ZNF624: variants seen among roughly 807,000 people sequenced by gnomAD.
The protein encoded by ZNF624 is zinc finger protein 624.
A neutral mutation model predicts 74.7 loss-of-function variants in ZNF624; 43 were observed. The observed-to-expected ratio is 0.58, with a 90% CI of 0.45 to 0.74. ZNF624 has a LOEUF of 0.74. ZNF624 is among the 30% of genes least tolerant of loss of function. The pLI is 0.00. For missense variants in ZNF624, 820 were observed against 1,030.0 expected (o/e 0.80, Z 2.79); for synonymous variants, 331 against 341.3 (o/e 0.97, Z 0.33).
In ZNF624 at chr17:16,622,959, A is replaced by C. The variant is rs1248348319; in HGVS notation, c.1927T>G (p.Tyr643Asp). Residue 643 changes from tyrosine (Y) to aspartate (D), a missense_variant, in exon 6 of 6, where the codon TAT (tyrosine) becomes GAT (aspartate). Transcript: ENST00000311331. ...GTCCTAAAGGACTTTCCACAGTCAT[A>C]ACATTTATAGGGTTTCACTCCAGTA... ...IHTGVKPYKC[Y>D]DCGKSFRTKS... The C allele has an allele frequency of 6.2e-7, 1 of 1,613,970 alleles. No homozygotes were observed.
At chr17:16,625,929 A>G (rs1170586533) in intron 5 of ZNF624, among the ~76,000 whole-genome samples, 1 of 151,886 alleles carries the variant, frequency 6.6e-6, no homozygotes, top group Non-Finnish European at 1.5e-5. Flanking sequence ...CTTGTCCATG[A>G]TAGAATGGTT....
At chr17:16,647,434 C>T (rs1347460818) in intron 2 of ZNF624, 40 bp from the exon 3 acceptor site, 1 of 1,576,010 alleles carries the variant, frequency 6.3e-7, no homozygotes, top group Non-Finnish European at 8.7e-7. Context: ...TGATAGGCTG[C>T]CTATGACTTA....
intron 3 of ZNF624, among the ~76,000 whole-genome samples, 163 bp from the exon 4 acceptor site, chr17:16,634,919 C>G (rs781560513): frequency 8.5e-5 from 13 of 152,332 alleles, no homozygotes; most frequent in Non-Finnish European, 1.9e-4. Flanking sequence ...TCTCCAGTGA[C>G]AAGAACTTGA....
chr17:16,651,306 T>A (rs557830835), intron 1 of ZNF624, among the ~76,000 whole-genome samples: 2 of 151,896 alleles, frequency 1.3e-5, no homozygotes, highest in Non-Finnish European at 2.9e-5. Flanking sequence ...GGTGCACGCC[T>A]GTAGTCCCAG....
At chr17:16,634,223 T>C (rs2142605861) in intron 4 of ZNF624, among the ~76,000 whole-genome samples, 1 of 152,334 alleles carries the variant, frequency 6.6e-6, no homozygotes, top group South Asian at 2.1e-4. Flanking sequence ...ACCTGCCATA[T>C]TGTACAGTGA....
chr17:16,634,831 G>A (rs963093438), intron 3 of ZNF624, 75 bp from the exon 4 acceptor site: 2 of 1,427,572 alleles, frequency 1.4e-6, no homozygotes, highest in African/African-American at 1.4e-5. Flanking sequence ...ATAAAAAACT[G>A]GGGAAGAGCC....
At chr17:16,642,720 C>G (rs995753353) in intron 3 of ZNF624, among the ~76,000 whole-genome samples, 1 of 152,120 alleles carries the variant, frequency 6.6e-6, no homozygotes, top group African/African-American at 2.4e-5. Flanking sequence ...TCATCAAAAA[C>G]TCAAAAAGCC....
At chr17:16,642,811 A>G (rs1007280189) in intron 3 of ZNF624, among the ~76,000 whole-genome samples, 4 of 152,242 alleles carry the variant, frequency 2.6e-5, no homozygotes, top group Admixed American at 6.5e-5. Context: ...GAACCCTTAC[A>G]AGTCAAACAT....
chr17:16,636,584 C>G (rs943443734), intron 3 of ZNF624, among the ~76,000 whole-genome samples: 3 of 152,146 alleles, frequency 2.0e-5, no homozygotes. Flanking sequence ...TGCCTGTAAT[C>G]CCAGCACTTT....
At chr17:16,616,355 A>G (rs948413105), downstream of ZNF624, among the ~76,000 whole-genome samples, 5 of 152,198 alleles carry the variant, frequency 3.3e-5, no homozygotes, top group East Asian at 1.9e-4. Flanking sequence ...GACCTATTCA[A>G]TAAGGCAATC....
chr17:16,624,497 T>C lies in ZNF624; in HGVS notation c.389A>G (p.Lys130Arg). 1 of 1,564,622 alleles carries C rather than the reference T, an allele frequency of 6.4e-7. No homozygotes were observed. Among genetic ancestry groups the C allele is most frequent in the Non-Finnish European group, 8.6e-7 (1 of 1,162,160 alleles). ...SRIPYPDMEP[K>R]PATKKATRTK... Reference sequence around the variant, plus strand: ...TCGTGTAGCCTTCTTGGTTGCAGGTTTGGGCTCCATGTCTGGGGCAAAAAA... The same window carrying C: ...TCGTGTAGCCTTCTTGGTTGCAGGTCTGGGCTCCATGTCTGGGGCAAAAAA... Residue 130 changes from lysine to arginine, a missense_variant, in exon 6 of 6, where the codon AAA becomes AGA. Lys to Arg is a conservative substitution (Grantham distance 26). Coordinates refer to ENST00000311331, the MANE Select transcript of ZNF624 (RefSeq NM_020787.4).
At chr17:16,637,564 A>G (rs1275175898) in intron 3 of ZNF624, among the ~76,000 whole-genome samples, 3 of 152,202 alleles carry the variant, frequency 2.0e-5, no homozygotes, top group African/African-American at 4.8e-5. Context: ...ATAATGCCAC[A>G]TATCTACAAC....
rs1380224494 is a variant in ZNF624, at chr17:16,623,177, G to T, written c.1709C>A (p.Ser570Tyr). The T allele has an allele frequency of 4.3e-6, 7 of 1,613,570 alleles. No individual in the cohort carries two copies. The highest frequency in any genetic ancestry group is 5.9e-6 in the Non-Finnish European group (7 of 1,179,908). ...ATGAATACGCTGATGTATAATTAGAGAAGAAGAACGCATGAAGGCCTTTCC... is the reference window on the plus strand; with the variant it reads ...ATGAATACGCTGATGTATAATTAGATAAGAAGAACGCATGAAGGCCTTTCC... ...ECGKAFMRSS[S>Y]LIIHQRIHTE... The change falls in exon 6 of 6, where the codon TCT (serine) becomes TAT (tyrosine). Residue 570 changes from serine (S) to tyrosine (Y), a missense_variant. Ser to Tyr is a moderately radical substitution (Grantham distance 144). Transcript: ENST00000311331. This position sits in a 1 kb window ranked among gnomAD's most constrained non-coding sequence, Gnocchi z 5.3.
At chr17:16,625,552 G>A (rs9910087) in intron 5 of ZNF624, among the ~76,000 whole-genome samples, 35,460 of 152,068 alleles carry the variant, frequency 0.23, 4,623 homozygotes, top group East Asian at 0.35. Flanking sequence ...CACTGGCAGA[G>A]TAGTTTATTC....
rs759075488 is a variant in ZNF624, at chr17:16,623,366, T to G, written c.1520A>C (p.Lys507Thr). Reference protein sequence around the residue: ...EKPYECNECGKAFNRIANFTE... With the variant: ...EKPYECNECGTAFNRIANFTE... Reference sequence around the variant, plus strand: ...GAAATTTGCGATGCGGTTGAATGCTTTCCCACATTCATTACATTCATAGGG... The same window carrying G: ...GAAATTTGCGATGCGGTTGAATGCTGTCCCACATTCATTACATTCATAGGG... Residue 507 changes from lysine to threonine, a missense_variant, in exon 6 of 6, where the codon AAA becomes ACA. Lys to Thr is a moderately conservative substitution (Grantham distance 78). Coordinates refer to ENST00000311331, the MANE Select transcript of ZNF624 (RefSeq NM_020787.4). The surrounding 1 kb of genome is among the most constrained non-coding windows in gnomAD (Gnocchi z 5.3). 6.2e-7 allele frequency: 1 copy of G among 1,613,814 alleles called. No individual in the cohort carries two copies. Among genetic ancestry groups the G allele is most frequent in the Non-Finnish European group, 8.5e-7 (1 of 1,179,766 alleles).
rs777406662 is a variant in ZNF624 at position 16,624,401 on chromosome 17, T to C, written c.485A>G (p.Asp162Gly). Residue 162 changes from aspartate to glycine, a missense_variant, in exon 6 of 6, where the codon GAT (aspartate) becomes GGT (glycine). Asp to Gly is a moderately conservative substitution (Grantham distance 94, BLOSUM62 -1). Transcript: ENST00000311331. ...TTTCCATAACCCTTCCATTCTGGAA[T>C]CCCACAGACCATTCTCTGTAAGTTT... ...LEKLTENGLWDSRMEGLWKWN... is the reference protein window; with the variant it reads ...LEKLTENGLWGSRMEGLWKWN... The C allele has an allele frequency of 4.3e-6, 7 of 1,613,926 alleles. No individual in the cohort carries two copies. The Admixed American group carries it at 1.2e-4, about 27-fold the overall frequency.
intron 3 of ZNF624, among the ~76,000 whole-genome samples, chr17:16,635,324 T>TA (rs1909302428): frequency 1.3e-5 from 2 of 152,158 alleles, no homozygotes; most frequent in Admixed American, 1.3e-4. Context: ...GTATATGTAT[T>TA]AAAAAATGGA....
chr17:16,621,027 A>G lies in ZNF624; in HGVS notation c.*1261T>C, dbSNP rs1908897715. On this transcript the variant is annotated 3_prime_UTR_variant, in exon 6 of 6. Transcript: ENST00000311331. ...TTTCTCACTCCCCTCAAGGTAATCA[A>G]TATTAACAGCCTGGTGTATATTCTT... 6.6e-6 allele frequency: 1 copy of G among 152,120 alleles called. No homozygotes were observed. Among genetic ancestry groups the G allele is most frequent in the Admixed American group, 6.6e-5 (1 of 15,264 alleles). The allele number at this position is 152,120 out of a possible 1,614,324, so 9.4% of individuals were successfully genotyped here.
downstream of ZNF624, chr17:16,616,849 TA>T (rs1210434606): frequency 1.6e-6 from 2 of 1,221,938 alleles, no homozygotes; most frequent in Non-Finnish European, 2.3e-6. Flanking sequence ...AGTTCTGAGT[TA>T]ATCCCTGGAA....
Sources: allele counts gnomAD v4.1 joint callset (sites outside exome capture counted in the v4.1 genomes callset), GRCh38; gene constraint gnomAD v4.1.1; non-coding constraint Gnocchi (gnomAD v3.1); transcripts MANE v1.5; gene names NCBI Gene and HGNC (gene_info 2026-07-23, HGNC 2026-07-21).